CMIP: variants seen among roughly 807,000 people sequenced by gnomAD.
The protein encoded by CMIP is C-Maf-inducing protein.
In CMIP, 13 loss-of-function variants were observed where a neutral mutation model predicts 97.3. The ratio of observed to expected loss-of-function variants is 0.13; its 90% CI spans 0.09 to 0.21. The LOEUF (loss-of-function observed/expected upper bound fraction) is 0.21. Ranked by LOEUF, CMIP falls within the 10% of genes least tolerant of loss-of-function variation. The probability of loss-of-function intolerance (pLI) is 1.00; values close to 1 mark genes in which losing one functional copy is unlikely to be tolerated. For missense variants in CMIP, 847 were observed against 1,024.9 expected, an observed-to-expected ratio of 0.83 and a Z score of 2.37; for synonymous variants, 538 against 436.3, an observed-to-expected ratio of 1.23 and a Z score of -2.91.
At chr16:81,668,633 G>C (rs1422440888) in intron 7 of CMIP, among the ~76,000 whole-genome samples, 1 of 152,112 alleles carries the variant, frequency 6.6e-6, no homozygotes, top group Non-Finnish European at 1.5e-5. Flanking sequence ...CCTGGTGCAG[G>C]CGCTGCTTTC....
intron 3 of CMIP, among the ~76,000 whole-genome samples, chr16:81,638,289 G>A (rs1244172082): frequency 1.3e-5 from 2 of 152,182 alleles, no homozygotes; most frequent in African/African-American, 4.8e-5. Flanking sequence ...GGGTTGATGT[G>A]GACATACCTT....
At chr16:81,629,938 T>A (rs1364200301) in intron 3 of CMIP, among the ~76,000 whole-genome samples, 5 of 152,232 alleles carry the variant, frequency 3.3e-5, no homozygotes, top group Admixed American at 3.3e-4. Context: ...TAGGGCAGAT[T>A]TCTAGAAGTG....
intron 1 of CMIP, among the ~76,000 whole-genome samples, chr16:81,513,737 G>A (rs1221196650): frequency 6.6e-6 from 1 of 152,244 alleles, no homozygotes; most frequent in Non-Finnish European, 1.5e-5. Flanking sequence ...CGTTTTGCAA[G>A]GGACACAGGC....
chr16:81,601,159 A>G (rs2091650506), intron 1 of CMIP, among the ~76,000 whole-genome samples: 1 of 152,208 alleles, frequency 6.6e-6, no homozygotes, highest in Admixed American at 6.5e-5. Flanking sequence ...CCGACTGGGC[A>G]AGGTTTCTCT....
At chr16:81,528,908 C>G (rs1346668890) in intron 1 of CMIP, among the ~76,000 whole-genome samples, 1 of 152,102 alleles carries the variant, frequency 6.6e-6, no homozygotes, top group African/African-American at 2.4e-5. Context: ...CCCTTCCTTT[C>G]TCCTCTCCTT....
At chr16:81,539,539 C>G (rs143454962) in intron 1 of CMIP, among the ~76,000 whole-genome samples, 8 of 152,332 alleles carry the variant, frequency 5.3e-5, no homozygotes, top group African/African-American at 1.9e-4. Context: ...AGGAAACACT[C>G]CTTGTTCTGA....
intron 1 of CMIP, among the ~76,000 whole-genome samples, chr16:81,474,127 C>T (rs370792035): frequency 6.6e-5 from 10 of 152,204 alleles, no homozygotes; most frequent in South Asian, 2.1e-4. Context: ...AGGCTGGGCA[C>T]GGCCTCTCCA....
At chr16:81,659,501 C>T (rs1363894992) in intron 5 of CMIP, among the ~76,000 whole-genome samples, 1 of 152,118 alleles carries the variant, frequency 6.6e-6, no homozygotes, top group Non-Finnish European at 1.5e-5. Context: ...ACGGAGCAAG[C>T]TGGGGAAGGC....
intron 3 of CMIP, among the ~76,000 whole-genome samples, chr16:81,624,789 C>T (rs894111937): frequency 1.4e-4 from 22 of 152,144 alleles, no homozygotes; most frequent in Admixed American, 2.0e-4. Context: ...GATTGACAAC[C>T]GCTGCTATGG....
rs67448056 is a variant in CMIP, at chr16:81,591,830, CTT to C, written c.301-15726_301-15725del. Among the ~76,000 whole-genome samples the C allele has an allele frequency of 3.4e-3, 488 of 142,110 alleles. 9 individuals are homozygous for C. The highest frequency in any genetic ancestry group is 0.012 in the African/African-American group (453 of 38,482). The allele number at this position is 142,110 out of a possible 152,430, so 93.2% of individuals were successfully genotyped here. On this transcript the variant is annotated intron_variant, in intron 1 of 20. Transcript: ENST00000537098. ...ACTGGTTTTCTTTCTTTCTTTCTTT[CTT>C]TTTTTTTTTTGAGACAGGGTCTCGT...
intron 1 of CMIP, chr16:81,464,920 T>C (rs562047669): frequency 1.6e-4 from 24 of 152,366 alleles, no homozygotes; most frequent in African/African-American, 5.8e-4. Context: ...TAATGTTCCA[T>C]TGACTGGATA....
At chr16:81,598,536 G>T (rs2091602372) in intron 1 of CMIP, among the ~76,000 whole-genome samples, 1 of 152,150 alleles carries the variant, frequency 6.6e-6, no homozygotes, top group South Asian at 2.1e-4. Flanking sequence ...CTATCACCAA[G>T]AAAGTAAGAT....
intron 10 of CMIP, among the ~76,000 whole-genome samples, chr16:81,687,444 G>T (rs1410819801): frequency 1.3e-5 from 2 of 152,156 alleles, no homozygotes; most frequent in South Asian, 2.1e-4. Context: ...ACTACCTCTG[G>T]GTTTGTTTTT....
intron 20 of CMIP, among the ~76,000 whole-genome samples, chr16:81,709,096 A>G (rs1185669801): frequency 1.3e-5 from 2 of 152,326 alleles, no homozygotes; most frequent in East Asian, 3.9e-4. Flanking sequence ...AACAGAAAGC[A>G]GAAAACAATG....
At chr16:81,464,138 G>T in intron 1 of CMIP, 1 of 152,518 alleles carries the variant, frequency 6.6e-6, no homozygotes. Flanking sequence ...AAGGGAAGCA[G>T]GGGTAGAGAC....
In CMIP at chr16:81,466,226, A is replaced by T. The variant is rs117178926; in HGVS notation, c.300+20685A>T. On this transcript the variant is annotated intron_variant, in intron 1 of 20. Transcript: ENST00000537098. Reference sequence around the variant, plus strand: ...CGGGTGTGTGCCACCACATCCAGCTAATTTTTAAATTTTTTGTAGAGATGG... The same window carrying T: ...CGGGTGTGTGCCACCACATCCAGCTTATTTTTAAATTTTTTGTAGAGATGG... Among the ~76,000 whole-genome samples, 3,495 of 152,080 alleles carry T rather than the reference A, an allele frequency of 0.023. 219 individuals carry two copies. The East Asian group carries it at 0.28, about 12-fold the overall frequency.
chr16:81,551,277 G>C (rs986145797), intron 1 of CMIP, among the ~76,000 whole-genome samples: 6 of 152,314 alleles, frequency 3.9e-5, no homozygotes, highest in African/African-American at 1.4e-4. Flanking sequence ...ACACCCAGAG[G>C]GTTCTGAGTA....
At chr16:81,610,240 G>T in intron 2 of CMIP, 4 of 858,650 alleles carry the variant, frequency 4.7e-6, no homozygotes, top group Non-Finnish European at 5.6e-6. Context: ...GGCTGTGGCC[G>T]CGGGCCCAGC....
intron 1 of CMIP, among the ~76,000 whole-genome samples, chr16:81,576,930 C>T (rs961640496): frequency 3.9e-5 from 6 of 152,060 alleles, no homozygotes; most frequent in African/African-American, 1.2e-4. Flanking sequence ...ATCACCACCA[C>T]CACAATCAAC....
Sources: allele counts gnomAD v4.1 joint callset (sites outside exome capture counted in the v4.1 genomes callset), GRCh38; gene constraint gnomAD v4.1.1; transcripts MANE v1.5; gene names NCBI Gene and HGNC (gene_info 2026-07-23, HGNC 2026-07-21).